The following NAALADL2 variants were observed in gnomAD, a reference collection of about 807,000 sequenced individuals.
The protein encoded by NAALADL2 is inactive N-acetylated-alpha-linked acidic dipeptidase-like protein 2.
Under a neutral mutation model 87.2 loss-of-function variants are expected in NAALADL2, and 76 were observed. That is an observed-to-expected ratio of 0.87 (90% confidence interval 0.72 to 1.05). The LOEUF (loss-of-function observed/expected upper bound fraction) is 1.05, where lower values mean the gene tolerates loss of function less well. Ranked by LOEUF, NAALADL2 falls within the 50% of genes least tolerant of loss-of-function variation. The pLI is 0.00. For missense variants in NAALADL2, 1,089 were observed against 945.8 expected (o/e 1.15, Z -1.99); for synonymous variants, 354 against 331.0 (o/e 1.07, Z -0.75).
intron 2 of NAALADL2, among the ~76,000 whole-genome samples, chr3:174,653,801 A>G (rs954408283): frequency 3.3e-5 from 5 of 152,168 alleles, no homozygotes; most frequent in Non-Finnish European, 7.4e-5. Context: ...ATGTAAATTG[A>G]AGTACTAATG....
chr3:174,808,373 A>G (rs1579017262), intron 3 of NAALADL2, among the ~76,000 whole-genome samples: 2 of 152,252 alleles, frequency 1.3e-5, no homozygotes, highest in East Asian at 3.9e-4. Context: ...GAAAATGGTC[A>G]AATGTAGCAA....
chr3:175,041,388 A>G (rs1430033874), intron 1 of NAALADL2, among the ~76,000 whole-genome samples: 1 of 152,176 alleles, frequency 6.6e-6, no homozygotes, highest in Non-Finnish European at 1.5e-5. Flanking sequence ...TTTTGCTCAC[A>G]GCACCCTCTG....
chr3:174,649,164 A>G (rs1360226551), intron 2 of NAALADL2, among the ~76,000 whole-genome samples: 1 of 151,772 alleles, frequency 6.6e-6, no homozygotes, highest in African/African-American at 2.4e-5. Flanking sequence ...GGGTTTCACC[A>G]TGTTGGCCAG....
At chr3:175,504,682 C>A (rs1730053536) in intron 9 of NAALADL2, among the ~76,000 whole-genome samples, 2 of 150,372 alleles carry the variant, frequency 1.3e-5, no homozygotes, top group Admixed American at 6.7e-5. Context: ...AGAACCCAAC[C>A]AATGAGAAAA....
At chr3:174,796,936 T>G (rs1718172076) in intron 3 of NAALADL2, among the ~76,000 whole-genome samples, 1 of 152,126 alleles carries the variant, frequency 6.6e-6, no homozygotes, top group African/African-American at 2.4e-5. Context: ...TTATTTGTTT[T>G]GCTGTGCAGA....
intron 10 of NAALADL2, among the ~76,000 whole-genome samples, chr3:175,625,551 T>C (rs1726867323): frequency 6.6e-6 from 1 of 151,968 alleles, no homozygotes; most frequent in African/African-American, 2.4e-5. Context: ...TGAGAGTAGA[T>C]AGATGAAGGC....
At chr3:175,733,945 C>A (rs1583050555) in intron 11 of NAALADL2, among the ~76,000 whole-genome samples, 1 of 152,202 alleles carries the variant, frequency 6.6e-6, no homozygotes, top group Non-Finnish European at 1.5e-5. Flanking sequence ...GGTGGGTTCC[C>A]ATGGCCTTGG....
chr3:174,795,855 C>T (rs1253176136), intron 3 of NAALADL2, among the ~76,000 whole-genome samples: 2 of 152,122 alleles, frequency 1.3e-5, no homozygotes, highest in Admixed American at 1.3e-4. Context: ...TTTTCAGATC[C>T]TTTGCCTATT....
At chr3:175,077,652 G>A (rs371719821) in intron 1 of NAALADL2, among the ~76,000 whole-genome samples, 2 of 151,996 alleles carry the variant, frequency 1.3e-5, no homozygotes, top group East Asian at 1.9e-4. Flanking sequence ...TATTTATATA[G>A]TAATATCATA....
intron 2 of NAALADL2, among the ~76,000 whole-genome samples, chr3:175,136,222 T>C (rs6799562): frequency 0.38 from 58,176 of 151,888 alleles, 11,288 homozygotes; most frequent in South Asian, 0.47. Flanking sequence ...TGGGAAAACA[T>C]GTACACTAAA....
intron 11 of NAALADL2, among the ~76,000 whole-genome samples, chr3:175,643,647 A>T (rs530510940): frequency 6.6e-6 from 1 of 152,314 alleles, no homozygotes; most frequent in Admixed American, 6.5e-5. Context: ...AGTGAGAAAA[A>T]ATCATTACAA....
intron 1 of NAALADL2, among the ~76,000 whole-genome samples, chr3:175,023,090 G>A (rs1751766601): frequency 6.6e-6 from 1 of 151,966 alleles, no homozygotes; most frequent in Non-Finnish European, 1.5e-5. Flanking sequence ...TCTTCCAATA[G>A]GTTCTTTTGC....
chr3:174,954,895 C>G (rs1740933046), intron 1 of NAALADL2, among the ~76,000 whole-genome samples: 1 of 152,114 alleles, frequency 6.6e-6, no homozygotes. Flanking sequence ...GGGCATGCAT[C>G]TTCTGGATAA....
At chr3:175,013,615 A>C (rs1406212476) in intron 1 of NAALADL2, among the ~76,000 whole-genome samples, 1 of 151,874 alleles carries the variant, frequency 6.6e-6, no homozygotes. Flanking sequence ...TTGTTTGATT[A>C]ATGAATTAAT....
At chr3:174,557,521 T>G (rs767943364) in intron 2 of NAALADL2, among the ~76,000 whole-genome samples, 1 of 152,202 alleles carries the variant, frequency 6.6e-6, no homozygotes, top group Non-Finnish European at 1.5e-5. Flanking sequence ...TGGAAAATTT[T>G]TAATATAATA....
intron 11 of NAALADL2, among the ~76,000 whole-genome samples, chr3:175,637,510 T>C (rs1003333820): frequency 6.6e-6 from 1 of 152,206 alleles, no homozygotes; most frequent in African/African-American, 2.4e-5. Context: ...CATAAATGGC[T>C]TGGTACCATT....
intron 3 of NAALADL2, among the ~76,000 whole-genome samples, chr3:174,794,981 CTTTTTTTTTTTTTTT>C (rs772447340): frequency 1.5e-5 from 1 of 66,696 alleles, no homozygotes; most frequent in African/African-American, 5.9e-5. Flanking sequence ...TCTAGTCCAG[CTTTTTTTTTTTTTTT>C]TTTTTTTTTT....
rs746310636 is a variant in NAALADL2, at chr3:175,775,659, G to A, written c.2189+20241G>A. Among the ~76,000 whole-genome samples, 16 of 152,004 alleles carry A rather than the reference G, an allele frequency of 1.1e-4. No homozygotes were observed. In the East Asian group the frequency reaches 1.5e-3, roughly 15 times the overall value. On this transcript the variant is annotated intron_variant, in intron 13 of 13. Coordinates refer to ENST00000454872, the MANE Select transcript of NAALADL2 (RefSeq NM_207015.3). The stretch of plus-strand genomic sequence containing the variant: ...TTTTGCCAATTTGCGAAGTCTGTTC[G>A]CCTGAATTCATCTAAGTCTGTGATC...
intron 2 of NAALADL2, among the ~76,000 whole-genome samples, chr3:175,201,481 C>G (rs911469876): frequency 9.9e-5 from 15 of 152,226 alleles, no homozygotes; most frequent in Admixed American, 2.6e-4. Flanking sequence ...TTCAACATAT[C>G]ATGAGCCCCA....
Sources: allele counts gnomAD v4.1 joint callset (sites outside exome capture counted in the v4.1 genomes callset), GRCh38; gene constraint gnomAD v4.1.1; transcripts MANE v1.5; gene names NCBI Gene and HGNC (gene_info 2026-07-23, HGNC 2026-07-21).